Variants in NEK10 observed in about 807,000 individuals in gnomAD.
NEK10 encodes the protein serine/threonine-protein kinase Nek10.
NEK10 carries 122 observed loss-of-function variants against 159.8 expected under a neutral mutation model. The observed-to-expected ratio is 0.76, with a 90% CI of 0.66 to 0.89. The LOEUF (loss-of-function observed/expected upper bound fraction) is 0.89, where lower values mean the gene tolerates loss of function less well. NEK10 is among the 40% of genes least tolerant of loss of function. The pLI is 0.00. For missense variants in NEK10, 1,342 were observed against 1,323.1 expected (o/e 1.01, Z -0.22); for synonymous variants, 466 against 457.1 (o/e 1.02, Z -0.25).
At chr3:27,275,732 C>A (rs2041720109) in intron 22 of NEK10, among the ~76,000 whole-genome samples, 1 of 152,110 alleles carries the variant, frequency 6.6e-6, no homozygotes, top group Admixed American at 6.5e-5. Flanking sequence ...AAATGCAATA[C>A]TAACTCTTTT....
At chr3:27,184,129 T>C (rs1251533285) in intron 26 of NEK10, among the ~76,000 whole-genome samples, 2 of 152,212 alleles carry the variant, frequency 1.3e-5, no homozygotes, top group Non-Finnish European at 2.9e-5. Context: ...TGGGTCTTTT[T>C]GTAAATAGGT....
chr3:27,296,257 A>T (rs1176690355), intron 14 of NEK10, among the ~76,000 whole-genome samples: 4 of 152,158 alleles, frequency 2.6e-5, no homozygotes, highest in Non-Finnish European at 4.4e-5. Flanking sequence ...AACTGCAAAG[A>T]GCTTTATTTG....
At chr3:27,320,389 T>C (rs583298) in intron 6 of NEK10, among the ~76,000 whole-genome samples, 96,670 of 152,126 alleles carry the variant, frequency 0.64, 33,046 homozygotes, top group African/African-American at 0.91. Context: ...TCAGATTAAC[T>C]GGACCTTCCT....
intron 23 of NEK10, among the ~76,000 whole-genome samples, chr3:27,203,108 C>T (rs35420834): frequency 6.6e-6 from 1 of 152,106 alleles, no homozygotes; most frequent in Non-Finnish European, 1.5e-5. Flanking sequence ...GTAGCTTCCA[C>T]CCTTGCAGCC....
intron 15 of NEK10, among the ~76,000 whole-genome samples, chr3:27,294,535 C>A (rs1697931447): frequency 1.3e-5 from 2 of 152,140 alleles, no homozygotes; most frequent in Non-Finnish European, 2.9e-5. Flanking sequence ...AATGTCTCTG[C>A]AGGATGGGTT....
intron 29 of NEK10, among the ~76,000 whole-genome samples, chr3:27,166,551 C>A (rs1480776012): frequency 6.6e-6 from 1 of 152,268 alleles, no homozygotes; most frequent in East Asian, 1.9e-4. Flanking sequence ...TAAAAATAAG[C>A]AAGACTTCCG....
At chr3:27,360,558 G>A (rs1365437661) in intron 1 of NEK10, among the ~76,000 whole-genome samples, 1 of 152,190 alleles carries the variant, frequency 6.6e-6, no homozygotes, top group Non-Finnish European at 1.5e-5. Flanking sequence ...TTCACCTTCA[G>A]GATCTAAATC....
At chr3:27,359,988 G>A (rs991868) in intron 1 of NEK10, among the ~76,000 whole-genome samples, 22,658 of 152,074 alleles carry the variant, frequency 0.15, 4,349 homozygotes, top group African/African-American at 0.45. Context: ...AAGTTAAATT[G>A]GTCAAATTGC....
chr3:27,256,428 TCC>T, intron 22 of NEK10, 57 bp from the exon 23 acceptor site: 1 of 1,059,812 alleles, frequency 9.4e-7, no homozygotes, highest in Non-Finnish European at 1.3e-6. Flanking sequence ...TTATCATTGT[TCC>T]TTAGCATTTG....
At chr3:27,226,221 AT>A (rs1382476520) in intron 23 of NEK10, among the ~76,000 whole-genome samples, 2 of 146,518 alleles carry the variant, frequency 1.4e-5, no homozygotes, top group Non-Finnish European at 3.0e-5. Flanking sequence ...TTTTTTTTGT[AT>A]TTTTAGTAGA....
chr3:27,277,391 T>A (rs920627364), intron 22 of NEK10, among the ~76,000 whole-genome samples: 1 of 152,200 alleles, frequency 6.6e-6, no homozygotes, highest in Non-Finnish European at 1.5e-5. Flanking sequence ...TGTCCTAAAC[T>A]GAGTATCTGG....
At chr3:27,332,055 G>A (rs2046456898) in intron 5 of NEK10, among the ~76,000 whole-genome samples, 1 of 152,204 alleles carries the variant, frequency 6.6e-6, no homozygotes, top group Non-Finnish European at 1.5e-5. Flanking sequence ...CAAAGGAAGA[G>A]GCATATGCTG....
At chr3:27,149,581 A>G (rs1179225502) in intron 30 of NEK10, among the ~76,000 whole-genome samples, 1 of 152,084 alleles carries the variant, frequency 6.6e-6, no homozygotes, top group East Asian at 1.9e-4. Context: ...GGCACCACAA[A>G]CTGCACTCAT....
At chr3:27,126,002 T>A (rs761772192) in intron 32 of NEK10, among the ~76,000 whole-genome samples, 1 of 152,160 alleles carries the variant, frequency 6.6e-6, no homozygotes, top group Admixed American at 6.6e-5. Flanking sequence ...TCTCTACTTG[T>A]TCAAAACAGG....
intron 23 of NEK10, among the ~76,000 whole-genome samples, chr3:27,224,905 A>T (rs1305335936): frequency 6.6e-6 from 1 of 152,202 alleles, no homozygotes; most frequent in Non-Finnish European, 1.5e-5. Flanking sequence ...ACAAAATGTC[A>T]CTTGTTACTA....
At chr3:27,364,783 AACTTGGCCAAGATCTCAT>A (rs2048940830) in intron 1 of NEK10, among the ~76,000 whole-genome samples, 1 of 152,222 alleles carries the variant, frequency 6.6e-6, no homozygotes, top group African/African-American at 2.4e-5. Context: ...AATGTCAAGG[AACTTGGCCAAGATCTCAT>A]ACCTAGTAAT....
chr3:27,240,268 T>C (rs547602553), intron 23 of NEK10, among the ~76,000 whole-genome samples: 1 of 152,198 alleles, frequency 6.6e-6, no homozygotes, highest in Non-Finnish European at 1.5e-5. Flanking sequence ...AATTTCTCAT[T>C]ATACATCAAC....
intron 22 of NEK10, among the ~76,000 whole-genome samples, chr3:27,261,171 A>G (rs2040380389): frequency 6.6e-6 from 1 of 152,064 alleles, no homozygotes; most frequent in African/African-American, 2.4e-5. Flanking sequence ...TCAAAATACC[A>G]GCTCCTGGAT....
intron 23 of NEK10, among the ~76,000 whole-genome samples, chr3:27,244,307 A>G (rs888371572): frequency 1.1e-4 from 16 of 152,226 alleles, no homozygotes; most frequent in African/African-American, 3.9e-4. Flanking sequence ...AAGGCATTGA[A>G]CATCCCCTAG....
Sources: gnomAD v4.1 joint callset for allele counts (sites outside exome capture counted in the v4.1 genomes callset) on GRCh38, gnomAD v4.1.1 for gene constraint, MANE v1.5 for transcripts, NCBI Gene and HGNC (gene_info 2026-07-23, HGNC 2026-07-21) for gene names.